DNAH10: variants seen among roughly 807,000 people sequenced by gnomAD.
The protein encoded by DNAH10 is axonemal beta dynein heavy chain 10.
A neutral mutation model predicts 506.6 loss-of-function variants in DNAH10; 348 were observed. That is an observed-to-expected ratio of 0.69 (90% CI 0.63 to 0.75). The LOEUF (loss-of-function observed/expected upper bound fraction) is 0.75, where lower values mean the gene tolerates loss of function less well. Among genes scored for constraint, DNAH10 ranks in the 30% least tolerant of loss-of-function variants. The pLI is 0.00. For synonymous variants in DNAH10, 2,059 were observed against 2,198.6 expected, an observed-to-expected ratio of 0.94 and a Z score of 1.78; for missense variants, 5,179 against 5,787.1, an observed-to-expected ratio of 0.89 and a Z score of 3.41.
Position 123,774,272 on chromosome 12 carries a change from T to A in DNAH10, c.621+8T>A. On this transcript the variant is annotated splice_region_variant and intron_variant, in intron 5 of 78. Transcript: ENST00000673944. ...AAGAATATTATATGTCAGGTAAACA[T>A]GGAGAAAGGAAGAAATTCTAGTATT... The A allele has an allele frequency of 1.9e-6, 3 of 1,559,218 alleles. No individual in the cohort carries two copies. Among genetic ancestry groups the A allele is most frequent in the Non-Finnish European group, 2.6e-6 (3 of 1,148,390 alleles).
At chr12:123,899,714 A>C (rs1229412462) in intron 56 of DNAH10, among the ~76,000 whole-genome samples, 2 of 152,176 alleles carry the variant, frequency 1.3e-5, no homozygotes, top group African/African-American at 2.4e-5. Flanking sequence ...ATTTGTGTTC[A>C]TTCATTGCAC....
chr12:123,787,755 G>T lies in DNAH10; in HGVS notation c.1422-49G>T. ...CTCCCCAGCCGGGGAGTGCGGCTCG[G>T]ACCCGGAGCTCCGCCCTCCTCCCAT... On this transcript the variant is annotated intron_variant, in intron 9 of 78. Coordinates refer to ENST00000673944, the MANE Select transcript of DNAH10 (RefSeq NM_001372106.1). This position sits in a 1 kb window ranked among gnomAD's most constrained non-coding sequence, Gnocchi z 4.6. 1 of 1,583,342 alleles carries T rather than the reference G, an allele frequency of 6.3e-7. No homozygotes were observed. The highest frequency in any genetic ancestry group is 1.1e-5 in the South Asian group (1 of 87,148).
chr12:123,924,460 C>T (rs780501761), intron 67 of DNAH10, 28 bp downstream of exon 67: 1 of 1,604,022 alleles, frequency 6.2e-7, no homozygotes, highest in South Asian at 1.1e-5. Context: ...TTCTCCTCCT[C>T]TCCTTCCCCA....
intron 3 of DNAH10, 97 bp downstream of exon 3, chr12:123,771,795 A>G (rs1957263476): frequency 9.5e-7 from 1 of 1,056,280 alleles, no homozygotes; most frequent in Non-Finnish European, 1.4e-6. Context: ...CAAGGGATTT[A>G]TCATGTTGGA....
Position 123,921,428 on chromosome 12 carries a change from A to C in DNAH10, c.11507-2335A>C, listed in dbSNP as rs150730399. 1.6e-4 allele frequency among the ~76,000 whole-genome samples: 24 copies of C among 152,298 alleles called. No individual in the cohort carries two copies. The East Asian group carries it at 4.4e-3, about 28-fold the overall frequency. ...CCCTGCTTTATCTTTTCCAAAGTTCACTTGGGTGGGGCAGGCAGTTGCCTG... is the reference window on the plus strand; with the variant it reads ...CCCTGCTTTATCTTTTCCAAAGTTCCCTTGGGTGGGGCAGGCAGTTGCCTG... On this transcript the variant is annotated intron_variant, in intron 65 of 78. Transcript: ENST00000673944.
intron 24 of DNAH10, among the ~76,000 whole-genome samples, chr12:123,823,307 C>T (rs577898371): frequency 5.9e-5 from 9 of 152,288 alleles, no homozygotes; most frequent in East Asian, 3.9e-4. Flanking sequence ...TTGGGATGTG[C>T]GAAGCGGCCG....
chr12:123,810,539 CA>C, intron 19 of DNAH10, among the ~76,000 whole-genome samples: 2 of 151,972 alleles, frequency 1.3e-5, no homozygotes, highest in South Asian at 2.1e-4. Context: ...CACATACACA[CA>C]AAATTAGCTG....
chr12:123,796,571 G>T, intron 12 of DNAH10, 85 bp from the exon 13 acceptor site: 2 of 1,257,428 alleles, frequency 1.6e-6, no homozygotes, highest in South Asian at 1.6e-5. Flanking sequence ...TTCCACTTTT[G>T]GTTTCCTTAA....
At chr12:123,818,506 T>C (rs1565943845) in intron 21 of DNAH10, among the ~76,000 whole-genome samples, 1 of 151,896 alleles carries the variant, frequency 6.6e-6, no homozygotes, top group African/African-American at 2.4e-5. Context: ...GTATTTTTAG[T>C]AGAGAAGGGA....
intron 37 of DNAH10, among the ~76,000 whole-genome samples, chr12:123,858,245 T>A (rs1316470446): frequency 4.6e-5 from 7 of 152,302 alleles, no homozygotes; most frequent in East Asian, 1.9e-4. Flanking sequence ...AAGTTGTATA[T>A]GTTGTCATTA....
chr12:123,894,696 C>T lies in DNAH10; in HGVS notation c.9253C>T (p.Leu3085Phe), dbSNP rs1456224081. 6.2e-7 allele frequency: 1 copy of T among 1,613,932 alleles called. No homozygotes were observed. Among genetic ancestry groups the T allele is most frequent in the African/African-American group, 1.3e-5 (1 of 74,928 alleles). Reference sequence around the variant, plus strand: ...GTTCATGCCCTGGCCTCCCCAAGCCCTCCATGCGGTCGCAAAGTCCTTTCT... The same window carrying T: ...GTTCATGCCCTGGCCTCCCCAAGCCTTCCATGCGGTCGCAAAGTCCTTTCT... ...DWFMPWPPQA[L>F]HAVAKSFLGY... is the part of the protein sequence containing the mutation. The change falls in exon 54 of 79, where the codon CTC (leucine) becomes TTC (phenylalanine). Residue 3085 changes from leucine (L) to phenylalanine (F), a missense_variant. Physicochemically the swap from Leu to Phe is conservative, Grantham distance 22 (BLOSUM62 0). Around this residue, in one of 3 missense-constraint regions of DNAH10, gnomAD observed 4,844 missense variants for 5,430.5 expected, o/e 0.89. Transcript: ENST00000673944.
intron 9 of DNAH10, among the ~76,000 whole-genome samples, chr12:123,786,338 CA>C (rs1369688085): frequency 3.4e-5 from 5 of 149,102 alleles, no homozygotes; most frequent in African/African-American, 4.9e-5. Context: ...AAGTACAATT[CA>C]TTTTTTTTTT....
chr12:123,837,285 A>G (rs566114927), intron 28 of DNAH10, among the ~76,000 whole-genome samples: 65 of 151,428 alleles, frequency 4.3e-4, no homozygotes, highest in African/African-American at 1.5e-3. Flanking sequence ...TGAAGGTTGC[A>G]GTGAACTGAG....
At chr12:123,849,718 A>G (rs541452356) in intron 34 of DNAH10, among the ~76,000 whole-genome samples, 1 of 152,248 alleles carries the variant, frequency 6.6e-6, no homozygotes, top group East Asian at 1.9e-4. Flanking sequence ...GAAAACTCCT[A>G]TACATCCTTT....
chr12:123,929,418 G>A lies in DNAH10; in HGVS notation c.12450G>A (p.Gln4150=), dbSNP rs370318135. 10 of 1,613,618 alleles carry A rather than the reference G, an allele frequency of 6.2e-6. No individual in the cohort carries two copies. In the African/African-American group the frequency reaches 1.1e-4, roughly 17 times the overall value. ...TGGCGTTCTTTCATGCTGTGGTGCA[G>A]GAGAGAAGGAAGTTTGGGAAGATTG... is the stretch of plus-strand genomic sequence containing the variant. ...YVLAFFHAVV[Q]ERRKFGKIGW... Residue 4150 remains glutamine (Q), a synonymous_variant, in exon 71 of 79, where the codon CAG becomes CAA. Coordinates refer to ENST00000673944, the MANE Select transcript of DNAH10 (RefSeq NM_001372106.1).
Position 123,762,665 on chromosome 12 carries a change from C to A in DNAH10, c.214+115C>A. On this transcript the variant is annotated intron_variant, in intron 1 of 78. Coordinates refer to ENST00000673944, the MANE Select transcript of DNAH10 (RefSeq NM_001372106.1). This position sits in a 1 kb window ranked among gnomAD's most constrained non-coding sequence, Gnocchi z 5.0. ...CATCGTCCGGCCCCGGCCTCAGGTG[C>A]TGTCCACAAACGCTGCCGCCCGCCA... is the stretch of plus-strand genomic sequence containing the variant. 8.7e-7 allele frequency: 1 copy of A among 1,154,304 alleles called. No homozygotes were observed. Among genetic ancestry groups the A allele is most frequent in the Non-Finnish European group, 1.2e-6 (1 of 850,746 alleles). The allele number at this position is 1,154,304 out of a possible 1,614,324, so 71.5% of individuals were successfully genotyped here. A position where few individuals can be genotyped will look rare whatever the true frequency, so the allele number is the denominator to read the frequency against.
chr12:123,789,640 T>A (rs1958004412), intron 10 of DNAH10, among the ~76,000 whole-genome samples: 1 of 152,084 alleles, frequency 6.6e-6, no homozygotes, highest in Non-Finnish European at 1.5e-5. Context: ...CCCCTCAGCC[T>A]CCCTGAAGCA....
chr12:123,823,537 C>T (rs1959644882), intron 24 of DNAH10, among the ~76,000 whole-genome samples: 1 of 152,224 alleles, frequency 6.6e-6, no homozygotes, highest in Admixed American at 6.5e-5. Flanking sequence ...AAGTTAAAAA[C>T]ATACCGTCAG....
Position 123,863,205 on chromosome 12 carries a change from G to A in DNAH10, c.6909-1390G>A, listed in dbSNP as rs143584816. Among the ~76,000 whole-genome samples the A allele has an allele frequency of 3.9e-3, 597 of 152,278 alleles. 1 individual carries two copies. The highest frequency in any genetic ancestry group is 5.8e-3 in the Non-Finnish European group (393 of 68,016). On this transcript the variant is annotated intron_variant, in intron 39 of 78. Coordinates refer to ENST00000673944, the MANE Select transcript of DNAH10 (RefSeq NM_001372106.1). The stretch of plus-strand genomic sequence containing the variant: ...GAATAGCCTCTGTCCTGTGGAGATG[G>A]GCTTTGCTGCATGAGATGTCACCCA...
Sources: allele counts gnomAD v4.1 joint callset (sites outside exome capture counted in the v4.1 genomes callset), GRCh38; gene constraint gnomAD v4.1.1; regional missense constraint gnomAD v4.1.1; non-coding constraint Gnocchi (gnomAD v3.1); transcripts MANE v1.5; gene names NCBI Gene and HGNC (gene_info 2026-07-23, HGNC 2026-07-21).